PLPPR5: variants seen among roughly 807,000 people sequenced by gnomAD.
The protein encoded by PLPPR5 is phospholipid phosphatase related 5, also known as phospholipid phosphatase-related protein type 5.
PLPPR5 carries 16 observed loss-of-function variants against 33.9 expected under a neutral mutation model. That is an observed-to-expected ratio of 0.47 (90% CI 0.32 to 0.72). PLPPR5 has a LOEUF of 0.72. Ranked by LOEUF, PLPPR5 falls within the 30% of genes least tolerant of loss-of-function variation. The pLI is 0.03. For missense variants in PLPPR5, 301 were observed against 406.7 expected (o/e 0.74, Z 2.23); for synonymous variants, 163 against 150.3 (o/e 1.08, Z -0.62).
chr1:98,908,776 G>A (rs1211046245), intron 5 of PLPPR5, among the ~76,000 whole-genome samples: 2 of 152,300 alleles, frequency 1.3e-5, no homozygotes, highest in South Asian at 2.1e-4. Context: ...GCATGAAGGT[G>A]TGAGAGCTAT....
chr1:98,983,500 G>A (rs1227454884), intron 1 of PLPPR5, among the ~76,000 whole-genome samples: 21 of 144,910 alleles, frequency 1.4e-4, no homozygotes, highest in African/African-American at 4.7e-4. Flanking sequence ...TTGGACATTT[G>A]GGTTGGTTCC....
chr1:98,948,847 C>A (rs990134668), intron 3 of PLPPR5, among the ~76,000 whole-genome samples: 1 of 152,106 alleles, frequency 6.6e-6, no homozygotes, highest in African/African-American at 2.4e-5. Flanking sequence ...CCCTACGTAT[C>A]CTGACAGTAA....
At chr1:99,001,619 AACG>A (rs745943636) in intron 1 of PLPPR5, among the ~76,000 whole-genome samples, 124 of 147,854 alleles carry the variant, frequency 8.4e-4, no homozygotes, top group Non-Finnish European at 1.4e-3. Flanking sequence ...TAGTGAGGAG[AACG>A]ACTTTTCAAA....
intron 1 of PLPPR5, among the ~76,000 whole-genome samples, chr1:98,978,909 T>G (rs1025727895): frequency 2.6e-5 from 4 of 152,028 alleles, no homozygotes; most frequent in Non-Finnish European, 5.9e-5. Flanking sequence ...TAGTTATCTT[T>G]CCTTCCCAAC....
At chr1:98,986,406 C>T (rs188663074) in intron 1 of PLPPR5, among the ~76,000 whole-genome samples, 1 of 151,780 alleles carries the variant, frequency 6.6e-6, no homozygotes, top group African/African-American at 2.4e-5. Flanking sequence ...TTCACTAAAA[C>T]TTAAGGTTAC....
intron 1 of PLPPR5, among the ~76,000 whole-genome samples, chr1:98,985,390 C>T (rs183192572): frequency 1.1e-3 from 164 of 152,086 alleles, no homozygotes; most frequent in African/African-American, 3.7e-3. Flanking sequence ...CAGATGACTG[C>T]GGTTTCAAAA....
intron 3 of PLPPR5, among the ~76,000 whole-genome samples, chr1:98,933,500 A>AAAG (rs1557674581): frequency 6.6e-6 from 1 of 151,194 alleles, no homozygotes. Flanking sequence ...AAAAAAAAAA[A>AAAG]GGATTTCAGA....
intron 2 of PLPPR5, 54 bp downstream of exon 2, chr1:98,956,555 C>T: frequency 6.8e-7 from 1 of 1,466,266 alleles, no homozygotes; most frequent in Non-Finnish European, 9.0e-7. Context: ...TAAGGTTTAG[C>T]TTACACATAG....
chr1:98,898,801 T>C (rs1648578766), intron 5 of PLPPR5, among the ~76,000 whole-genome samples: 2 of 152,152 alleles, frequency 1.3e-5, no homozygotes, highest in Non-Finnish European at 2.9e-5. Context: ...TTCAGAGTTT[T>C]ATATTGGTTC....
At chr1:98,963,499 T>C (rs1226817940) in intron 1 of PLPPR5, among the ~76,000 whole-genome samples, 2 of 152,136 alleles carry the variant, frequency 1.3e-5, no homozygotes, top group Non-Finnish European at 2.9e-5. Flanking sequence ...CCCATCTCCA[T>C]AGATAAGGAA....
At chr1:98,943,992 A>C (rs962873923) in intron 3 of PLPPR5, among the ~76,000 whole-genome samples, 1 of 152,212 alleles carries the variant, frequency 6.6e-6, no homozygotes, top group Non-Finnish European at 1.5e-5. Flanking sequence ...GCCATAACTT[A>C]GACTAAGGAG....
intron 3 of PLPPR5, among the ~76,000 whole-genome samples, chr1:98,946,422 T>C (rs1235965404): frequency 2.0e-5 from 3 of 152,234 alleles, no homozygotes; most frequent in Non-Finnish European, 4.4e-5. Context: ...AAAGTCTTCC[T>C]GATTTATTCA....
intron 5 of PLPPR5, among the ~76,000 whole-genome samples, chr1:98,906,395 ATCTGCTC>A (rs1648904028): frequency 2.0e-5 from 3 of 151,934 alleles, no homozygotes; most frequent in Non-Finnish European, 4.4e-5. Flanking sequence ...GGTTCTATGG[ATCTGCTC>A]TAGGCCACAG....
At chr1:98,921,251 G>A (rs1649541919) in intron 4 of PLPPR5, among the ~76,000 whole-genome samples, 1 of 152,180 alleles carries the variant, frequency 6.6e-6, no homozygotes. Context: ...AGAAGTCACT[G>A]TGTATGCTCT....
chr1:98,978,554 C>T (rs933878601), intron 1 of PLPPR5, among the ~76,000 whole-genome samples: 1 of 152,028 alleles, frequency 6.6e-6, no homozygotes. Context: ...ACATCTTTTG[C>T]CATTACTGGA....
chr1:98,965,298 C>T (rs918324817), intron 1 of PLPPR5, among the ~76,000 whole-genome samples: 1 of 152,124 alleles, frequency 6.6e-6, no homozygotes, highest in African/African-American at 2.4e-5. Flanking sequence ...TATCACATTC[C>T]TTATTACACC....
At chr1:98,908,528 C>T (rs753118674) in intron 5 of PLPPR5, among the ~76,000 whole-genome samples, 29 of 152,058 alleles carry the variant, frequency 1.9e-4, no homozygotes, top group Non-Finnish European at 4.1e-4. Context: ...GCCAGCAACA[C>T]CAGTGCTTTA....
chr1:98,957,051 T>C (rs532310894), intron 1 of PLPPR5, among the ~76,000 whole-genome samples: 17 of 151,670 alleles, frequency 1.1e-4, no homozygotes, highest in East Asian at 9.7e-4. Flanking sequence ...ATGGATGAAA[T>C]TGGAAATCAT....
At chr1:98,973,365 G>C (rs1034410336) in intron 1 of PLPPR5, among the ~76,000 whole-genome samples, 5 of 151,958 alleles carry the variant, frequency 3.3e-5, no homozygotes, top group Non-Finnish European at 7.4e-5. Flanking sequence ...ACAGTAGGAA[G>C]AGAATACCTT....
Sources: allele counts gnomAD v4.1 joint callset (sites outside exome capture counted in the v4.1 genomes callset), GRCh38; gene constraint gnomAD v4.1.1; transcripts MANE v1.5; gene names NCBI Gene and HGNC (gene_info 2026-07-23, HGNC 2026-07-21).